JAM3: variants seen among roughly 807,000 people sequenced by gnomAD.
JAM3 encodes the protein junctional adhesion molecule C.
Under a neutral mutation model 39.4 loss-of-function variants are expected in JAM3, and 31 were observed. That is an observed-to-expected ratio of 0.79 (90% confidence interval 0.59 to 1.06). The LOEUF (loss-of-function observed/expected upper bound fraction) is 1.06, where lower values mean the gene tolerates loss of function less well. Among genes scored for constraint, JAM3 ranks in the 50% least tolerant of loss-of-function variants. The pLI, the probability that JAM3 is intolerant of heterozygous loss-of-function variation, is 0.00. For synonymous variants in JAM3, 182 were observed against 148.7 expected (o/e 1.22, Z -1.63); for missense variants, 455 against 391.4 (o/e 1.16, Z -1.37).
At chr11:134,126,859 TTCTGG>T (rs1942657635) in intron 1 of JAM3, among the ~76,000 whole-genome samples, 1 of 152,248 alleles carries the variant, frequency 6.6e-6, no homozygotes, top group Non-Finnish European at 1.5e-5. Context: ...TAATACCTAG[TTCTGG>T]CCTTAAGGAT....
rs551076758 is a variant in JAM3, at chr11:134,101,894, G to A, written c.76+32735G>A. On this transcript the variant is annotated intron_variant, in intron 1 of 8. Coordinates refer to ENST00000299106, the MANE Select transcript of JAM3 (RefSeq NM_032801.5). ...CTAGCTTGGGCAAGATAGCAAGACC[G>A]CATTTTTACAAAAAATTTAAAAATT... Among the ~76,000 whole-genome samples the A allele has an allele frequency of 2.0e-3, 305 of 152,098 alleles. 2 individuals carry two copies. Among genetic ancestry groups the A allele is most frequent in the Non-Finnish European group, 3.1e-3 (211 of 67,988 alleles).
rs149333177 is a variant in JAM3 at position 134,123,389 on chromosome 11, C to T, written c.77-16462C>T. On this transcript the variant is annotated intron_variant, in intron 1 of 8. Transcript: ENST00000299106. The stretch of plus-strand genomic sequence containing the variant: ...AAAATACACCACCACCCCCCCCCCC[C>T]CAAAAAAGGGAAAAAGATCCCACCA... 4.7e-3 allele frequency among the ~76,000 whole-genome samples: 709 copies of T among 152,046 alleles called. 6 individuals carry two copies. Among genetic ancestry groups the T allele is most frequent in the African/African-American group, 0.016 (677 of 41,494 alleles).
intron 1 of JAM3, among the ~76,000 whole-genome samples, chr11:134,075,356 G>A (rs943286712): frequency 6.6e-6 from 1 of 152,166 alleles, no homozygotes; most frequent in Non-Finnish European, 1.5e-5. Context: ...TGGGAAAGTG[G>A]AGGAAATAAT....
chr11:134,106,368 A>C (rs1398837800), intron 1 of JAM3, among the ~76,000 whole-genome samples: 1 of 152,102 alleles, frequency 6.6e-6, no homozygotes. Flanking sequence ...AAAGACTTAA[A>C]TGTTAGACCT....
At chr11:134,077,076 C>T (rs1941582446) in intron 1 of JAM3, among the ~76,000 whole-genome samples, 2 of 152,090 alleles carry the variant, frequency 1.3e-5, no homozygotes, top group Admixed American at 1.3e-4. Flanking sequence ...CTTAGGTGAT[C>T]TGCCCACCTT....
chr11:134,148,693 T>G lies in JAM3; in HGVS notation c.842+17T>G, dbSNP rs752559365. 5 of 1,613,844 alleles carry G rather than the reference T, an allele frequency of 3.1e-6. No individual in the cohort carries two copies. The Admixed American group carries it at 6.7e-5, about 22-fold the overall frequency. On this transcript the variant is annotated intron_variant, in intron 7 of 8. Transcript: ENST00000299106. ...TGGAGAAAGGTGAGCCTGCCTTATG[T>G]GAAAAAAGGGAAGTTCAAGCTGGCA...
intron 1 of JAM3, among the ~76,000 whole-genome samples, chr11:134,110,846 C>T (rs1942295348): frequency 6.6e-6 from 1 of 151,930 alleles, no homozygotes; most frequent in South Asian, 2.1e-4. Context: ...CTTTATATGT[C>T]AATTATACCT....
At chr11:134,134,581 A>G (rs1003415600) in intron 1 of JAM3, among the ~76,000 whole-genome samples, 1 of 152,138 alleles carries the variant, frequency 6.6e-6, no homozygotes, top group Non-Finnish European at 1.5e-5. Context: ...TTTTCAAGGA[A>G]CTGCCAAGCT....
At chr11:134,126,642 G>A (rs565543744) in intron 1 of JAM3, among the ~76,000 whole-genome samples, 8 of 152,328 alleles carry the variant, frequency 5.3e-5, no homozygotes, top group Admixed American at 5.2e-4. Flanking sequence ...TTTTGCTGAG[G>A]ACTGTGAGTT....
chr11:134,121,371 G>C (rs1055889235), intron 1 of JAM3, among the ~76,000 whole-genome samples: 1 of 152,106 alleles, frequency 6.6e-6, no homozygotes, highest in Non-Finnish European at 1.5e-5. Flanking sequence ...TTCCAGAGAA[G>C]AATCTGAGGA....
At chr11:134,126,076 AT>A (rs1216281141) in intron 1 of JAM3, among the ~76,000 whole-genome samples, 1 of 152,110 alleles carries the variant, frequency 6.6e-6, no homozygotes, top group Non-Finnish European at 1.5e-5. Flanking sequence ...CGTGTTCTGT[AT>A]AGCTGGTAGG....
intron 1 of JAM3, chr11:134,124,074 A>T (rs1942590758): frequency 6.7e-7 from 1 of 1,484,288 alleles, no homozygotes; most frequent in African/African-American, 1.4e-5. Context: ...TTTGGTTTAT[A>T]ACAGGTTTAA....
At chr11:134,085,694 C>T (rs376370769) in intron 1 of JAM3, among the ~76,000 whole-genome samples, 1 of 152,212 alleles carries the variant, frequency 6.6e-6, no homozygotes, top group East Asian at 1.9e-4. Flanking sequence ...TATGCACTTC[C>T]TCTGTGTGTA....
At chr11:134,140,885 G>A (rs559405374) in intron 3 of JAM3, 115 bp downstream of exon 3, 14 of 996,384 alleles carry the variant, frequency 1.4e-5, no homozygotes, top group Admixed American at 6.8e-5. Flanking sequence ...AGCTAGGACC[G>A]TTTTTTTTTT....
At chr11:134,131,018 A>G (rs1481978010) in intron 1 of JAM3, among the ~76,000 whole-genome samples, 1 of 152,152 alleles carries the variant, frequency 6.6e-6, no homozygotes, top group Admixed American at 6.5e-5. Flanking sequence ...GATTCTTAGG[A>G]AATTACGACT....
intron 1 of JAM3, among the ~76,000 whole-genome samples, chr11:134,077,083 C>G (rs902004869): frequency 3.3e-5 from 5 of 152,010 alleles, no homozygotes; most frequent in African/African-American, 9.7e-5. Context: ...GATCTGCCCA[C>G]CTTGGCCTCC....
chr11:134,111,235 C>T (rs550315007), intron 1 of JAM3, among the ~76,000 whole-genome samples: 44 of 149,546 alleles, frequency 2.9e-4, no homozygotes, highest in Admixed American at 7.4e-4. Context: ...GCTTCGCCTC[C>T]TGGGTTCACG....
intron 1 of JAM3, among the ~76,000 whole-genome samples, chr11:134,139,086 G>A (rs978472488): frequency 3.9e-5 from 6 of 152,164 alleles, no homozygotes; most frequent in African/African-American, 7.2e-5. Context: ...TTTGTAGGTA[G>A]TCCATGTACC....
chr11:134,121,676 T>C (rs1184591051), intron 1 of JAM3, among the ~76,000 whole-genome samples: 1 of 152,234 alleles, frequency 6.6e-6, no homozygotes, highest in Non-Finnish European at 1.5e-5. Context: ...TTGAGAACAA[T>C]TAACATTAGT....
Sources: gnomAD v4.1 joint callset for allele counts (sites outside exome capture counted in the v4.1 genomes callset) on GRCh38, gnomAD v4.1.1 for gene constraint, MANE v1.5 for transcripts, NCBI Gene and HGNC (gene_info 2026-07-23, HGNC 2026-07-21) for gene names.